POLE: variants seen among roughly 807,000 people sequenced by gnomAD.
The protein encoded by POLE is DNA polymerase epsilon, catalytic subunit, also known as DNA polymerase epsilon catalytic subunit A.
A neutral mutation model predicts 279.2 loss-of-function variants in POLE; 188 were observed. The ratio of observed to expected loss-of-function variants is 0.67; its 90% CI spans 0.60 to 0.76. The LOEUF (loss-of-function observed/expected upper bound fraction) is 0.76. POLE is among the 30% of genes least tolerant of loss of function. POLE has a pLI of 0.00. For synonymous variants in POLE, 1,214 were observed against 1,172.5 expected (o/e 1.04, Z -0.72); for missense variants, 2,703 against 3,016.7 (o/e 0.90, Z 2.44).
At chr12:132,628,838 A>G (rs538274038) in intron 45 of POLE, among the ~76,000 whole-genome samples, 4 of 152,258 alleles carry the variant, frequency 2.6e-5, no homozygotes, top group Admixed American at 2.0e-4. Context: ...GCCTCCCACA[A>G]TAGTCTTGAA....
chr12:132,672,519 G>A, intron 15 of POLE, 108 bp downstream of exon 15: 3 of 1,251,098 alleles, frequency 2.4e-6, no homozygotes, highest in Non-Finnish European at 3.4e-6. Context: ...CCGGTGAGGG[G>A]CCGTGGGACA....
rs757060708 is a variant in POLE, at chr12:132,642,402, A to G, written c.4953-5T>C. The G allele has an allele frequency of 6.3e-7, 1 of 1,581,742 alleles. No individual in the cohort carries two copies. Among genetic ancestry groups the G allele is most frequent in the Admixed American group, 1.7e-5 (1 of 57,966 alleles). ...CCAATGGGAATGTGAAAGTACCTGC[A>G]CCAGGGCACAGGTCAGCACCGGGGC... On this transcript the variant is annotated splice_polypyrimidine_tract_variant and splice_region_variant and intron_variant, in intron 37 of 48. Coordinates refer to ENST00000320574, the MANE Select transcript of POLE (RefSeq NM_006231.4).
At position 132,668,553 on chromosome 12, in the gene POLE, G is replaced by A. The variant is rs2135976998; in HGVS notation, c.2027-51C>T. On this transcript the variant is annotated intron_variant, in intron 18 of 48. Transcript: ENST00000320574. This position sits in a 1 kb window ranked among gnomAD's most constrained non-coding sequence, Gnocchi z 4.0. ...TTCAAAAGGAGGCACAGACACACCG[G>A]CTTCCCACCAAGTGGAGAAAGGCGG... 5 of 1,581,254 alleles carry A rather than the reference G, an allele frequency of 3.2e-6. No individual in the cohort carries two copies. The highest frequency in any genetic ancestry group is 3.5e-6 in the Non-Finnish European group (4 of 1,158,590).
chr12:132,663,985 C>T lies in POLE; in HGVS notation c.2706+19G>A, dbSNP rs777067793. On this transcript the variant is annotated intron_variant, in intron 23 of 48. Transcript: ENST00000320574. ...CGCCAGGCCAGCCAGAGCTTCAGGA[C>T]CAGAGGCCCCAGACTCACCTTGACC... 1.9e-6 allele frequency: 3 copies of T among 1,613,276 alleles called. No homozygotes were observed. The highest frequency in any genetic ancestry group is 2.5e-6 in the Non-Finnish European group (3 of 1,179,960).
At chr12:132,683,612 C>T (rs1041657006) in intron 1 of POLE, among the ~76,000 whole-genome samples, 1 of 152,184 alleles carries the variant, frequency 6.6e-6, no homozygotes, top group African/African-American at 2.4e-5. Context: ...AAACTATATT[C>T]CAAATCTTGC....
chr12:132,638,076 G>C lies in POLE; in HGVS notation c.5616C>G (p.Ile1872Met), dbSNP rs778941198. Residue 1872 changes from isoleucine (I) to methionine (M), a missense_variant, in exon 41 of 49, where the codon ATC (isoleucine) becomes ATG (methionine). Transcript: ENST00000320574. ...CCACACGGCGCTTCTTTGTACAGAG[G>C]ATGATGCGGTTGAAGTTGGCGTAGA... ...SVIYANFNRI[I>M]LCTKKRRVED... The C allele has an allele frequency of 6.2e-7, 1 of 1,614,026 alleles. No individual in the cohort carries two copies. The highest frequency in any genetic ancestry group is 1.1e-5 in the South Asian group (1 of 91,082).
Position 132,681,241 on chromosome 12 carries a change from C to T in POLE, c.101G>A (p.Arg34His), listed in dbSNP as rs747005851. The change falls in exon 2 of 49, where the codon CGC becomes CAC. Residue 34 changes from arginine to histidine, a missense_variant. This residue lies in a region of POLE where 1,011 missense variants were observed against 1,111.7 expected (regional missense o/e 0.91). Transcript: ENST00000320574. ...GATSSVSALK[R>H]LERSQWTDKM... ...ATCCGTCCACTGACTCCGTTCCAGG[C>T]GCTTGAGTGCCGAAACTGAGGAAGT... The T allele has an allele frequency of 3.1e-6, 5 of 1,614,076 alleles. No individual in the cohort carries two copies. The highest frequency in any genetic ancestry group is 2.2e-5 in the South Asian group (2 of 91,092).
rs1348293118 is a variant in POLE at position 132,668,061 on chromosome 12, T to A, written c.2173+295A>T. 3.4e-5 allele frequency among the ~76,000 whole-genome samples: 5 copies of A among 148,414 alleles called. No homozygotes were observed. The highest frequency in any genetic ancestry group is 1.3e-4 in the African/African-American group (5 of 39,602). Reference sequence around the variant, plus strand: ...TCACACCACTGCATTCCAGCCTGGGTGACAGAGTGAGACCTCATTTCAAAA... The same window carrying A: ...TCACACCACTGCATTCCAGCCTGGGAGACAGAGTGAGACCTCATTTCAAAA... On this transcript the variant is annotated intron_variant, in intron 19 of 48. Transcript: ENST00000320574. The surrounding 1 kb of genome is among the most constrained non-coding windows in gnomAD (Gnocchi z 4.0).
In POLE at chr12:132,638,013, C is replaced by T. The variant is rs138748289; in HGVS notation, c.5678+1G>A. On this transcript the variant is annotated splice_donor_variant, in intron 41 of 48. Coordinates refer to ENST00000320574, the MANE Select transcript of POLE (RefSeq NM_006231.4). LOFTEE classifies it high-confidence loss of function. ...GCGTCACCAGGACCAGCCAGCCGCA[C>T]CTGCTGGTGATGTACTCCACGTAAG... 3 of 1,613,710 alleles carry T rather than the reference C, an allele frequency of 1.9e-6. No individual in the cohort carries two copies. The highest frequency in any genetic ancestry group is 2.5e-6 in the Non-Finnish European group (3 of 1,179,756).
chr12:132,659,274 C>A lies in POLE; in HGVS notation c.3275+21G>T, dbSNP rs767565149. The A allele has an allele frequency of 5.0e-6, 8 of 1,606,800 alleles. 1 individual carries two copies. The highest frequency in any genetic ancestry group is 6.0e-6 in the Non-Finnish European group (7 of 1,175,304). On this transcript the variant is annotated intron_variant, in intron 26 of 48. Coordinates refer to ENST00000320574, the MANE Select transcript of POLE (RefSeq NM_006231.4). ...GTGATGGGAGGAGCCCTCACCTCTC[C>A]GTGATGGGGGGAGCCCTCACCTCTC...
At chr12:132,636,458 A>G (rs2042036553) in intron 41 of POLE, among the ~76,000 whole-genome samples, 1 of 151,196 alleles carries the variant, frequency 6.6e-6, no homozygotes, top group Non-Finnish European at 1.5e-5. Context: ...AAAAAAAAAA[A>G]AAAAAAAAAA....
chr12:132,652,106 G>A (rs936562163), intron 29 of POLE, among the ~76,000 whole-genome samples: 2 of 152,066 alleles, frequency 1.3e-5, no homozygotes, highest in African/African-American at 4.8e-5. Flanking sequence ...AAACATACAC[G>A]AAAGCACAGT....
At chr12:132,672,600 A>T in intron 15 of POLE, 27 bp downstream of exon 15, 1 of 1,607,348 alleles carries the variant, frequency 6.2e-7, no homozygotes, top group East Asian at 2.2e-5. Context: ...GAGTGGGAAG[A>T]ATCTGAATCC....
intron 1 of POLE, among the ~76,000 whole-genome samples, chr12:132,685,588 T>TC (rs1272369661): frequency 6.6e-6 from 1 of 152,162 alleles, no homozygotes; most frequent in Non-Finnish European, 1.5e-5. Context: ...GCAGCAGCCT[T>TC]CCCCCTGCCT....
intron 32 of POLE, among the ~76,000 whole-genome samples, chr12:132,644,266 G>A (rs1420981008): frequency 6.6e-6 from 1 of 151,414 alleles, no homozygotes. Context: ...GGCTCAAGTG[G>A]TCCTCCAGCC....
intron 29 of POLE, chr12:132,650,999 G>A (rs2042411720): frequency 6.7e-6 from 1 of 148,520 alleles, no homozygotes; most frequent in Non-Finnish European, 1.5e-5. Context: ...AGCCTCCCAA[G>A]AAGCTAGGAT....
intron 47 of POLE, chr12:132,625,326 A>G (rs1387081403): frequency 1.4e-6 from 1 of 725,642 alleles, no homozygotes; most frequent in Non-Finnish European, 2.5e-6. Flanking sequence ...CTCTGCTCAG[A>G]TGCCCCTCGG....
In POLE at chr12:132,634,591, G is replaced by C. The variant is rs1173057483; in HGVS notation, c.5812-213C>G. 6.6e-6 allele frequency among the ~76,000 whole-genome samples: 1 copy of C among 152,184 alleles called. No homozygotes were observed. The highest frequency in any genetic ancestry group is 1.5e-5 in the Non-Finnish European group (1 of 68,036). ...TGTGGGAAGCGCCTGGCACACAGAA[G>C]TGCTCGTGACCTGGGACTGTGAGCT... On this transcript the variant is annotated intron_variant, in intron 42 of 48. Transcript: ENST00000320574. The surrounding 1 kb of genome is among the most constrained non-coding windows in gnomAD (Gnocchi z 4.0).
intron 30 of POLE, 66 bp downstream of exon 30, chr12:132,649,611 C>T (rs2042372716): frequency 6.3e-7 from 1 of 1,599,534 alleles, no homozygotes; most frequent in Admixed American, 1.7e-5. Context: ...GGTCAGGACG[C>T]ATCTCGGGCT....
Sources: gnomAD v4.1 joint callset for allele counts (sites outside exome capture counted in the v4.1 genomes callset) on GRCh38, gnomAD v4.1.1 for gene constraint, gnomAD v4.1.1 regional missense constraint, Gnocchi (gnomAD v3.1) non-coding constraint, MANE v1.5 for transcripts, NCBI Gene and HGNC (gene_info 2026-07-23, HGNC 2026-07-21) for gene names.